Variants in CDH22 observed in about 807,000 individuals in gnomAD.
The protein encoded by CDH22 is cadherin-22.
A neutral mutation model predicts 58.4 loss-of-function variants in CDH22; 30 were observed. The observed-to-expected ratio is 0.51, with a 90% CI of 0.38 to 0.70. The LOEUF is 0.70. CDH22 is among the 30% of genes least tolerant of loss of function. CDH22 has a pLI of 0.00. For missense variants in CDH22, 1,014 were observed against 1,233.9 expected (o/e 0.82, Z 2.67); for synonymous variants, 513 against 558.2 (o/e 0.92, Z 1.14).
At position 46,223,626 on chromosome 20, in the gene CDH22, CT is replaced by C. The variant is rs1363875190; in HGVS notation, c.670+3881del. Among the ~76,000 whole-genome samples, 125 of 143,636 alleles carry C rather than the reference CT, an allele frequency of 8.7e-4. 1 individual carries two copies. Among genetic ancestry groups the C allele is most frequent in the African/African-American group, 2.9e-3 (98 of 33,646 alleles). 94.2% of individuals were successfully genotyped at this position (143,636 alleles called of 152,430 possible). A position where few individuals can be genotyped will look rare whatever the true frequency, so the allele number is the denominator to read the frequency against. On this transcript the variant is annotated intron_variant, in intron 4 of 11. Transcript: ENST00000537909. Reference sequence around the variant, plus strand: ...GTGATTTCTTTCTTTTTCTTTCTTTCTTTTTTCTTTCTTTCTTTCTTTCTCT... The same window carrying C: ...GTGATTTCTTTCTTTTTCTTTCTTTCTTTTTCTTTCTTTCTTTCTTTCTCT...
intron 1 of CDH22, among the ~76,000 whole-genome samples, chr20:46,255,644 GCAGCCTGCCAACTCTTCACTGCTCTGCA>G (rs2086402958): frequency 6.6e-6 from 1 of 152,124 alleles, no homozygotes; most frequent in Non-Finnish European, 1.5e-5. Context: ...AGGTGCCCTG[GCAGCCTGCCAACTCTTCACTGCTCTGCA>G]CAGCCCTGCT....
intron 3 of CDH22, among the ~76,000 whole-genome samples, chr20:46,232,495 C>T (rs764003266): frequency 6.6e-6 from 1 of 152,256 alleles, no homozygotes; most frequent in Admixed American, 6.5e-5. Context: ...AGTTCTCAGC[C>T]GAGGTGACCA....
intron 3 of CDH22, among the ~76,000 whole-genome samples, chr20:46,238,550 C>T (rs556128525): frequency 3.3e-5 from 5 of 152,334 alleles, no homozygotes; most frequent in Admixed American, 2.6e-4. Context: ...ACAAACTTCA[C>T]GCCAAACTCC....
intron 1 of CDH22, among the ~76,000 whole-genome samples, chr20:46,252,332 A>G (rs2086382302): frequency 6.6e-6 from 1 of 152,098 alleles, no homozygotes; most frequent in South Asian, 2.1e-4. Context: ...CAGGGTCACA[A>G]CCCCTCTGAG....
intron 8 of CDH22, among the ~76,000 whole-genome samples, chr20:46,193,119 A>T (rs1274559078): frequency 1.3e-5 from 2 of 152,116 alleles, no homozygotes; most frequent in African/African-American, 4.8e-5. Context: ...CAAAGGGGAG[A>T]TGTGGGAACT....
At chr20:46,282,680 T>G (rs1223889234) in intron 1 of CDH22, among the ~76,000 whole-genome samples, 1 of 152,130 alleles carries the variant, frequency 6.6e-6, no homozygotes, top group African/African-American at 2.4e-5. Flanking sequence ...ATCGGGTGGT[T>G]AAATGGAAAA....
At chr20:46,200,795 C>T (rs1377839751) in intron 7 of CDH22, among the ~76,000 whole-genome samples, 3 of 152,138 alleles carry the variant, frequency 2.0e-5, no homozygotes, top group Non-Finnish European at 4.4e-5. Context: ...TTGGCGTGTA[C>T]TGGGGAGCCA....
At chr20:46,218,085 G>A (rs1361096387) in intron 4 of CDH22, among the ~76,000 whole-genome samples, 1 of 152,010 alleles carries the variant, frequency 6.6e-6, no homozygotes, top group Non-Finnish European at 1.5e-5. Flanking sequence ...CACTATGCCT[G>A]GCTAATCTTT....
chr20:46,174,972 C>T lies in CDH22; in HGVS notation c.2021G>A (p.Gly674Asp), dbSNP rs2085727817. 6.2e-7 allele frequency: 1 copy of T among 1,605,040 alleles called. No individual in the cohort carries two copies. Among genetic ancestry groups the T allele is most frequent in the Non-Finnish European group, 8.5e-7 (1 of 1,179,426 alleles). The change falls in exon 12 of 12, where the codon GGC becomes GAC. Residue 674 changes from glycine to aspartate, a missense_variant. Physicochemically the swap from Gly to Asp is moderately conservative, Grantham distance 94 (BLOSUM62 -1). This residue lies in a region of CDH22 where 806 missense variants were observed against 1,038.7 expected (regional missense o/e 0.78). Coordinates refer to ENST00000537909, the MANE Select transcript of CDH22 (RefSeq NM_021248.3). The surrounding 1 kb of genome is among the most constrained non-coding windows in gnomAD (Gnocchi z 4.4). ...GGCTTCGGTGTCCTGCTCGCCGCCGCCTTCGTCGTTGTATTTGATGACGTT... is the reference window on the plus strand; with the variant it reads ...GGCTTCGGTGTCCTGCTCGCCGCCGTCTTCGTCGTTGTATTTGATGACGTT... ...RDNVIKYNDE[G>D]GGEQDTEAYD...
intron 8 of CDH22, among the ~76,000 whole-genome samples, chr20:46,195,009 C>T (rs532815425): frequency 1.4e-4 from 22 of 152,266 alleles, no homozygotes; most frequent in African/African-American, 4.6e-4. Context: ...GGATTACAGG[C>T]GTGAACCACC....
chr20:46,291,234 G>A (rs922197809), intron 1 of CDH22, among the ~76,000 whole-genome samples: 1 of 152,122 alleles, frequency 6.6e-6, no homozygotes, highest in South Asian at 2.1e-4. Context: ...CAGAGATCGC[G>A]CCACTGCACT....
chr20:46,247,940 C>T (rs1370833474), intron 2 of CDH22, among the ~76,000 whole-genome samples: 4 of 152,166 alleles, frequency 2.6e-5, no homozygotes, highest in Non-Finnish European at 4.4e-5. Flanking sequence ...ACAGCAGTGG[C>T]AATGTGGGGA....
intron 1 of CDH22, among the ~76,000 whole-genome samples, chr20:46,258,774 C>T (rs1443408697): frequency 6.6e-6 from 1 of 152,248 alleles, no homozygotes; most frequent in Non-Finnish European, 1.5e-5. Flanking sequence ...TGTTGAGGCT[C>T]TGTCACTCTG....
chr20:46,204,694 C>T (rs921858504), intron 7 of CDH22, among the ~76,000 whole-genome samples: 9 of 152,180 alleles, frequency 5.9e-5, no homozygotes, highest in Admixed American at 5.2e-4. Context: ...CATGTCTGTT[C>T]AGAGCCGGAG....
intron 7 of CDH22, 97 bp from the exon 8 acceptor site, chr20:46,199,656 G>A: frequency 1.4e-6 from 2 of 1,431,096 alleles, no homozygotes; most frequent in South Asian, 1.3e-5. Flanking sequence ...GGGACCGCCT[G>A]CCTTGGACAC....
In CDH22 at chr20:46,216,208, C is replaced by A. The variant is rs1002214519; in HGVS notation, c.838+618G>T. On this transcript the variant is annotated intron_variant, in intron 5 of 11. Coordinates refer to ENST00000537909, the MANE Select transcript of CDH22 (RefSeq NM_021248.3). The surrounding 1 kb of genome is among the most constrained non-coding windows in gnomAD (Gnocchi z 5.3). ...AGGGGTTGGCTGGGCTGATAGGGAG[C>A]TGGGAGGCTGGGCCGGAGACATCCC... 2.0e-5 allele frequency among the ~76,000 whole-genome samples: 3 copies of A among 152,168 alleles called. No individual in the cohort carries two copies. Among genetic ancestry groups the A allele is most frequent in the African/African-American group, 7.2e-5 (3 of 41,444 alleles).
chr20:46,241,240 G>A lies in CDH22; in HGVS notation c.273C>T (p.Asp91=), dbSNP rs149912052. Residue 91 remains aspartate, a synonymous_variant, in exon 3 of 12, where the codon GAC becomes GAT. Coordinates refer to ENST00000537909, the MANE Select transcript of CDH22 (RefSeq NM_021248.3). This position sits in a 1 kb window ranked among gnomAD's most constrained non-coding sequence, Gnocchi z 5.2. The part of the protein sequence containing the change: ...LYVGKIHSDS[D]EGDGAIKYTI... ...TGTACTTGATGGCCCCGTCACCCTC[G>A]TCTGAGTCGGAGTGGATCTGGGTAG... The A allele has an allele frequency of 2.9e-5, 47 of 1,606,038 alleles. No homozygotes were observed. Among genetic ancestry groups the A allele is most frequent in the Middle Eastern group, 1.7e-4 (1 of 6,052 alleles).
At chr20:46,214,910 A>C (rs1194770760) in intron 5 of CDH22, among the ~76,000 whole-genome samples, 1 of 152,276 alleles carries the variant, frequency 6.6e-6, no homozygotes, top group Non-Finnish European at 1.5e-5. Flanking sequence ...AGGCATTCCC[A>C]GTGCCTGGCA....
At chr20:46,218,524 TTTG>T (rs1434906117) in intron 4 of CDH22, among the ~76,000 whole-genome samples, 1 of 152,196 alleles carries the variant, frequency 6.6e-6, no homozygotes, top group Non-Finnish European at 1.5e-5. Context: ...AGTTCACACA[TTTG>T]TGGTGTATGG....
Sources: allele counts gnomAD v4.1 joint callset (sites outside exome capture counted in the v4.1 genomes callset), GRCh38; gene constraint gnomAD v4.1.1; regional missense constraint gnomAD v4.1.1; non-coding constraint Gnocchi (gnomAD v3.1); transcripts MANE v1.5; gene names NCBI Gene and HGNC (gene_info 2026-07-23, HGNC 2026-07-21).